The following CLVS2 variants were observed in gnomAD, a reference collection of about 807,000 sequenced individuals.
CLVS2 encodes clavesin-2.
CLVS2 carries 19 observed loss-of-function variants against 29.0 expected under a neutral mutation model. That is an observed-to-expected ratio of 0.66 (90% confidence interval 0.46 to 0.96). CLVS2 has a LOEUF of 0.96. Among genes scored for constraint, CLVS2 ranks in the 40% least tolerant of loss-of-function variants. The pLI is 0.00. For missense variants in CLVS2, 294 were observed against 404.1 expected (o/e 0.73, Z 2.34); for synonymous variants, 161 against 151.3 (o/e 1.06, Z -0.47).
Position 123,070,291 on chromosome 6 carries a change from C to T in CLVS2, c.*6530C>T, listed in dbSNP as rs1037681553. Reference sequence around the variant, plus strand: ...TGTGTCGACCCCAATCTTCCAGTTTCTAGGAATAAAAATTTTGGAGTCATC... The same window carrying T: ...TGTGTCGACCCCAATCTTCCAGTTTTTAGGAATAAAAATTTTGGAGTCATC... On this transcript the variant is annotated 3_prime_UTR_variant, in exon 6 of 6. Transcript: ENST00000275162. The T allele has an allele frequency of 3.3e-5, 5 of 151,896 alleles. No homozygotes were observed. Among genetic ancestry groups the T allele is most frequent in the African/African-American group, 1.2e-4 (5 of 41,390 alleles). 9.4% of individuals were successfully genotyped at this position (151,896 alleles called of 1,614,324 possible). A position where few individuals can be genotyped will look rare whatever the true frequency, so the allele number is the denominator to read the frequency against.
intron 4 of CLVS2, among the ~76,000 whole-genome samples, chr6:123,055,100 C>T (rs1772673871): frequency 6.6e-6 from 1 of 152,024 alleles, no homozygotes; most frequent in South Asian, 2.1e-4. Context: ...TTAAGGTATG[C>T]ATACAGCTTT....
In CLVS2 at chr6:123,063,794, A is replaced by G. The variant is rs1224088953; in HGVS notation, c.*33A>G. On this transcript the variant is annotated 3_prime_UTR_variant, in exon 6 of 6. Transcript: ENST00000275162. ...TCTACATCCCCTTCATGGATTAGAAATGGAAAGTATTGGTTTTCAGCAACA... is the reference window on the plus strand; with the variant it reads ...TCTACATCCCCTTCATGGATTAGAAGTGGAAAGTATTGGTTTTCAGCAACA... The G allele has an allele frequency of 2.1e-6, 3 of 1,437,886 alleles. No individual in the cohort carries two copies. The highest frequency in any genetic ancestry group is 1.7e-5 in the Admixed American group (1 of 59,454). The allele number at this position is 1,437,886 out of a possible 1,614,324, so 89.1% of individuals were successfully genotyped here.
chr6:123,040,168 T>C (rs1200842633), intron 3 of CLVS2, among the ~76,000 whole-genome samples: 3 of 152,184 alleles, frequency 2.0e-5, no homozygotes, highest in East Asian at 3.9e-4. Context: ...TTGTCAATAA[T>C]TGGAATAGGC....
chr6:123,013,631 C>T lies in CLVS2; in HGVS notation c.564+2472C>T, dbSNP rs1016792845. On this transcript the variant is annotated intron_variant, in intron 3 of 5. Transcript: ENST00000275162. Reference sequence around the variant, plus strand: ...CCTATCAATCCACATCATAAACCTACTTATTTTTTTGCATTTTATTTTATT... The same window carrying T: ...CCTATCAATCCACATCATAAACCTATTTATTTTTTTGCATTTTATTTTATT... Among the ~76,000 whole-genome samples the T allele has an allele frequency of 2.6e-5, 4 of 151,738 alleles. No individual in the cohort carries two copies. In the South Asian group the frequency reaches 8.3e-4, roughly 32 times the overall value.
rs148203240 is a variant in CLVS2, at chr6:123,066,703, A to G, written c.*2942A>G. ...AGAGGGAAGAGATTATCATGAAAAT[A>G]TACTCTAAGAAATATGAAGAAGTGC... On this transcript the variant is annotated 3_prime_UTR_variant, in exon 6 of 6. Transcript: ENST00000275162. 47 of 151,936 alleles carry G rather than the reference A, an allele frequency of 3.1e-4. No homozygotes were observed. In the East Asian group the frequency reaches 8.5e-3, roughly 27 times the overall value. The allele number at this position is 151,936 out of a possible 1,614,324, so 9.4% of individuals were successfully genotyped here.
chr6:123,032,042 C>T lies in CLVS2; in HGVS notation c.565-16580C>T, dbSNP rs556155294. The stretch of plus-strand genomic sequence containing the variant: ...TTAAAAATTATTCTTTTAGCCCAGT[C>T]ACTTTCTTTTCTAATTTGTCTAATT... On this transcript the variant is annotated intron_variant, in intron 3 of 5. Coordinates refer to ENST00000275162, the MANE Select transcript of CLVS2 (RefSeq NM_001010852.4). 1.1e-4 allele frequency among the ~76,000 whole-genome samples: 17 copies of T among 152,122 alleles called. No individual in the cohort carries two copies. In the South Asian group the frequency reaches 3.5e-3, roughly 32 times the overall value.
chr6:123,040,261 G>GT (rs1775209290), intron 3 of CLVS2, among the ~76,000 whole-genome samples: 1 of 152,154 alleles, frequency 6.6e-6, no homozygotes, highest in East Asian at 1.9e-4. Context: ...ACTCCTGTAG[G>GT]TTTTTTCCCC....
chr6:123,021,406 A>G (rs745971463), intron 3 of CLVS2, among the ~76,000 whole-genome samples: 97 of 151,988 alleles, frequency 6.4e-4, no homozygotes, highest in Non-Finnish European at 1.0e-3. Flanking sequence ...TGTGTCCACC[A>G]GACACTTAAT....
rs996239838 is a variant in CLVS2, at chr6:123,072,556, C to T, written c.*8795C>T. On this transcript the variant is annotated 3_prime_UTR_variant, in exon 6 of 6. Transcript: ENST00000275162. ...TCCTTGATAGTCTGTACAGTGGAAA[C>T]CATTTCCCTCTGTGATATCCTTTTT... The T allele has an allele frequency of 6.6e-6, 1 of 152,078 alleles. No individual in the cohort carries two copies. Among genetic ancestry groups the T allele is most frequent in the Non-Finnish European group, 1.5e-5 (1 of 67,988 alleles). The allele number at this position is 152,078 out of a possible 1,614,324, so 9.4% of individuals were successfully genotyped here.
intron 3 of CLVS2, among the ~76,000 whole-genome samples, chr6:123,013,130 G>A (rs1190498466): frequency 1.3e-5 from 2 of 152,142 alleles, no homozygotes; most frequent in African/African-American, 4.8e-5. Flanking sequence ...GTCTCGTACT[G>A]AAGTAACACT....
chr6:122,998,225 C>T, intron 2 of CLVS2, 59 bp downstream of exon 2: 1 of 1,523,106 alleles, frequency 6.6e-7, no homozygotes, highest in East Asian at 2.3e-5. Flanking sequence ...CAGAATTTAC[C>T]CCGAGTAGTG....
intron 4 of CLVS2, among the ~76,000 whole-genome samples, chr6:123,051,926 C>T (rs1176206818): frequency 1.3e-5 from 2 of 152,010 alleles, no homozygotes; most frequent in African/African-American, 4.8e-5. Flanking sequence ...AAAGAAAAAT[C>T]CAAAAGTAGA....
intron 3 of CLVS2, among the ~76,000 whole-genome samples, chr6:123,041,577 A>G (rs59571533): frequency 0.02 from 3,040 of 152,330 alleles, 102 homozygotes; most frequent in African/African-American, 0.07. Context: ...ACAGGGCAAA[A>G]GAGAGATTTT....
At chr6:123,041,105 A>G (rs1339313119) in intron 3 of CLVS2, among the ~76,000 whole-genome samples, 1 of 152,154 alleles carries the variant, frequency 6.6e-6, no homozygotes, top group Non-Finnish European at 1.5e-5. Context: ...TTAATTAGAA[A>G]TAATGCCCAA....
chr6:123,011,580 T>A (rs1774748010), intron 3 of CLVS2, among the ~76,000 whole-genome samples: 1 of 152,000 alleles, frequency 6.6e-6, no homozygotes, highest in African/African-American at 2.4e-5. Flanking sequence ...GGAAAGTCAA[T>A]CAATATGTTT....
intron 3 of CLVS2, among the ~76,000 whole-genome samples, chr6:123,030,389 A>G (rs560122923): frequency 6.6e-6 from 1 of 152,268 alleles, no homozygotes; most frequent in South Asian, 2.1e-4. Flanking sequence ...TAATGTTTTC[A>G]GGCTCTAGCA....
intron 4 of CLVS2, among the ~76,000 whole-genome samples, chr6:123,052,404 C>T (rs572247819): frequency 8.5e-5 from 13 of 152,184 alleles, no homozygotes; most frequent in Non-Finnish European, 1.3e-4. Context: ...TCTTATAGGA[C>T]CTTATAGTTT....
At chr6:123,006,156 G>A (rs749457665) in intron 2 of CLVS2, among the ~76,000 whole-genome samples, 4 of 152,222 alleles carry the variant, frequency 2.6e-5, no homozygotes, top group African/African-American at 4.8e-5. Flanking sequence ...AGCAGGGAAA[G>A]CTGGTGGCGG....
chr6:123,027,263 A>T (rs1007212039), intron 3 of CLVS2, among the ~76,000 whole-genome samples: 4 of 152,204 alleles, frequency 2.6e-5, no homozygotes, highest in African/African-American at 9.7e-5. Context: ...AGAAAAATTA[A>T]TGTGACACCA....
Sources: gnomAD v4.1 joint callset for allele counts (sites outside exome capture counted in the v4.1 genomes callset) on GRCh38, gnomAD v4.1.1 for gene constraint, MANE v1.5 for transcripts, NCBI Gene and HGNC (gene_info 2026-07-23, HGNC 2026-07-21) for gene names.